Variants in SWT1 observed in about 807,000 individuals in gnomAD.
SWT1 encodes the protein transcriptional protein SWT1.
A neutral mutation model predicts 107.3 loss-of-function variants in SWT1; 33 were observed. That is an observed-to-expected ratio of 0.31 (90% CI 0.23 to 0.41). The LOEUF (loss-of-function observed/expected upper bound fraction) is 0.41, where lower values mean the gene tolerates loss of function less well. Ranked by LOEUF, SWT1 falls within the 10% of genes least tolerant of loss-of-function variation. The pLI, the probability that SWT1 is intolerant of heterozygous loss-of-function variation, is 1.00. For missense variants in SWT1, 898 were observed against 1,028.9 expected, an observed-to-expected ratio of 0.87 and a Z score of 1.74; for synonymous variants, 345 against 348.3, an observed-to-expected ratio of 0.99 and a Z score of 0.11.
At chr1:185,281,279 T>A in intron 18 of SWT1, 1 of 216,364 alleles carries the variant, frequency 4.6e-6, no homozygotes, top group Non-Finnish European at 9.4e-6. Context: ...GAAGCATATA[T>A]TGTGGAAGAA....
At chr1:185,260,340 A>G (rs1421347150) in intron 16 of SWT1, among the ~76,000 whole-genome samples, 2 of 152,116 alleles carry the variant, frequency 1.3e-5, no homozygotes, top group Non-Finnish European at 2.9e-5. Flanking sequence ...TTACTGGTCA[A>G]TGGCTGTGCA....
intron 16 of SWT1, among the ~76,000 whole-genome samples, 166 bp downstream of exon 16, chr1:185,231,874 A>C (rs928914721): frequency 1.5e-4 from 23 of 152,296 alleles, no homozygotes; most frequent in Non-Finnish European, 3.1e-4. Context: ...GGATACTTCT[A>C]ACCTTTGCAG....
chr1:185,171,502 T>C, intron 4 of SWT1: 1 of 314,000 alleles, frequency 3.2e-6, no homozygotes, highest in South Asian at 2.7e-5. Context: ...GAAGTCATGG[T>C]GATCTTGCCC....
At chr1:185,166,786 C>A in intron 3 of SWT1, 134 bp downstream of exon 3, 1 of 601,170 alleles carries the variant, frequency 1.7e-6, no homozygotes. Context: ...TTCTACTCAC[C>A]AAACCATTTA....
intron 15 of SWT1, chr1:185,226,732 C>CT (rs35307844): frequency 0.027 from 10,017 of 376,148 alleles, 21 homozygotes; most frequent in Middle Eastern, 0.041. Context: ...GCTTCTGAGA[C>CT]TTTTTTTTTT....
intron 13 of SWT1, among the ~76,000 whole-genome samples, chr1:185,212,205 A>G (rs1658873875): frequency 1.3e-5 from 2 of 152,164 alleles, no homozygotes; most frequent in South Asian, 2.1e-4. Flanking sequence ...TGAAAGTGTA[A>G]TAATAATAAA....
chr1:185,223,366 G>A (rs1659817500), intron 15 of SWT1, among the ~76,000 whole-genome samples: 1 of 151,924 alleles, frequency 6.6e-6, no homozygotes, highest in Admixed American at 6.6e-5. Context: ...TTATAGAGAT[G>A]ATATCTCACT....
At chr1:185,277,520 C>T (rs1176998190) in intron 18 of SWT1, among the ~76,000 whole-genome samples, 1 of 152,052 alleles carries the variant, frequency 6.6e-6, no homozygotes, top group Non-Finnish European at 1.5e-5. Context: ...GAACTCCTGA[C>T]CTCAGGTGAT....
At chr1:185,173,042 C>CAAAA (rs71555458) in intron 4 of SWT1, among the ~76,000 whole-genome samples, 5 of 87,216 alleles carry the variant, frequency 5.7e-5, no homozygotes, top group East Asian at 7.0e-4. Context: ...GACTCCGTCT[C>CAAAA]AAAAAAAAAA....
chr1:185,282,489 C>G (rs1306071788), intron 18 of SWT1, among the ~76,000 whole-genome samples: 1 of 151,620 alleles, frequency 6.6e-6, no homozygotes, highest in Non-Finnish European at 1.5e-5. Context: ...CCAGCCCCTT[C>G]CAACATATGC....
chr1:185,232,938 T>A (rs1660601032), intron 16 of SWT1, among the ~76,000 whole-genome samples: 1 of 152,160 alleles, frequency 6.6e-6, no homozygotes, highest in Non-Finnish European at 1.5e-5. Flanking sequence ...TTTAAAAAAT[T>A]TCCCCAGGTA....
chr1:185,259,779 CACTT>C (rs1236628408), intron 16 of SWT1, among the ~76,000 whole-genome samples: 1 of 152,034 alleles, frequency 6.6e-6, no homozygotes, highest in Non-Finnish European at 1.5e-5. Context: ...CTGTTTAGAC[CACTT>C]ACTTCTTGTC....
chr1:185,249,899 G>A (rs2102640686), intron 16 of SWT1, among the ~76,000 whole-genome samples: 1 of 152,268 alleles, frequency 6.6e-6, no homozygotes, highest in South Asian at 2.1e-4. Context: ...TGTCCTTCCT[G>A]TAAAAGGTAG....
chr1:185,247,816 A>G (rs1178997677), intron 16 of SWT1, among the ~76,000 whole-genome samples: 3 of 152,190 alleles, frequency 2.0e-5, no homozygotes, highest in Non-Finnish European at 4.4e-5. Context: ...ATAAAAATAG[A>G]ATATTTCAGT....
At chr1:185,234,483 T>A (rs562520721) in intron 16 of SWT1, among the ~76,000 whole-genome samples, 7 of 152,324 alleles carry the variant, frequency 4.6e-5, no homozygotes, top group Non-Finnish European at 1.0e-4. Flanking sequence ...CTCCATCCCT[T>A]TATTTTGAGC....
intron 16 of SWT1, chr1:185,266,475 A>G (rs1486100384): frequency 2.0e-5 from 3 of 152,218 alleles, no homozygotes; most frequent in East Asian, 3.8e-4. Flanking sequence ...TTAAAATTCA[A>G]ATTGAAAATT....
intron 2 of SWT1, among the ~76,000 whole-genome samples, chr1:185,164,206 C>T (rs1654391306): frequency 6.6e-6 from 1 of 150,536 alleles, no homozygotes; most frequent in African/African-American, 2.4e-5. Context: ...TAGGTCTCAA[C>T]AGTGAGCTTA....
rs1166981000 is a variant in SWT1, at chr1:185,203,022, A to G, written c.1669+223A>G. ...CTTCTATATGTACTTTTACAAATTA[A>G]TTTGATGTTTTTGTCTGCACGCTTA... On this transcript the variant is annotated intron_variant, in intron 11 of 18. Coordinates refer to ENST00000367500, the MANE Select transcript of SWT1 (RefSeq NM_017673.7). Among the ~76,000 whole-genome samples the G allele has an allele frequency of 3.9e-5, 6 of 152,222 alleles. No individual in the cohort carries two copies. In the East Asian group the frequency reaches 1.2e-3, roughly 29 times the overall value.
chr1:185,158,513 T>TA (rs2102279253), intron 1 of SWT1, among the ~76,000 whole-genome samples: 1 of 151,950 alleles, frequency 6.6e-6, no homozygotes, highest in Admixed American at 6.5e-5. Flanking sequence ...TCATTTCTTT[T>TA]TTTTTTTTTT....
Sources: allele counts gnomAD v4.1 joint callset (sites outside exome capture counted in the v4.1 genomes callset), GRCh38; gene constraint gnomAD v4.1.1; transcripts MANE v1.5; gene names NCBI Gene and HGNC (gene_info 2026-07-23, HGNC 2026-07-21).